Variants in IFNLR1 observed in about 807,000 individuals in gnomAD.
IFNLR1 encodes CRF2-12.
A neutral mutation model predicts 52.5 loss-of-function variants in IFNLR1; 28 were observed. The ratio of observed to expected loss-of-function variants is 0.53; its 90% CI spans 0.40 to 0.73. The LOEUF is 0.73. IFNLR1 is among the 30% of genes least tolerant of loss of function. IFNLR1 has a pLI of 0.00. For synonymous variants in IFNLR1, 276 were observed against 274.9 expected, an observed-to-expected ratio of 1.00 and a Z score of -0.04; for missense variants, 623 against 659.1, an observed-to-expected ratio of 0.95 and a Z score of 0.60.
At chr1:24,177,492 G>A (rs1481981787) in intron 2 of IFNLR1, among the ~76,000 whole-genome samples, 4 of 152,212 alleles carry the variant, frequency 2.6e-5, no homozygotes, top group Admixed American at 6.5e-5. Flanking sequence ...CATCCCGCAC[G>A]GGAGAAAGAA....
intron 2 of IFNLR1, among the ~76,000 whole-genome samples, chr1:24,175,069 G>C (rs935203321): frequency 1.3e-5 from 2 of 152,200 alleles, no homozygotes; most frequent in Admixed American, 6.5e-5. Flanking sequence ...AATGAAGGAA[G>C]GCTGTTGGAC....
chr1:24,172,077 T>C (rs975113619), intron 2 of IFNLR1, among the ~76,000 whole-genome samples: 1 of 152,172 alleles, frequency 6.6e-6, no homozygotes, highest in Non-Finnish European at 1.5e-5. Flanking sequence ...AGTGCTGTGA[T>C]TACAGATGTG....
At chr1:24,184,142 C>G (rs1644715699) in intron 1 of IFNLR1, among the ~76,000 whole-genome samples, 1 of 152,172 alleles carries the variant, frequency 6.6e-6, no homozygotes, top group African/African-American at 2.4e-5. Context: ...TCCTGGAGCA[C>G]CCCAGCCACA....
chr1:24,178,902 C>G (rs57237710), intron 2 of IFNLR1, among the ~76,000 whole-genome samples: 1 of 127,618 alleles, frequency 7.8e-6, no homozygotes. Context: ...TATCACCATT[C>G]TAATGTATAA....
chr1:24,178,448 G>T (rs1222759785), intron 2 of IFNLR1, among the ~76,000 whole-genome samples: 7 of 152,112 alleles, frequency 4.6e-5, no homozygotes, highest in African/African-American at 1.7e-4. Context: ...CTGACTGCAG[G>T]TTTTAGGTCA....
At chr1:24,177,441 C>T (rs1001180628) in intron 2 of IFNLR1, among the ~76,000 whole-genome samples, 7 of 152,186 alleles carry the variant, frequency 4.6e-5, no homozygotes, top group Non-Finnish European at 7.3e-5. Flanking sequence ...GGCCAAAAAA[C>T]CCGGAGTGTG....
intron 3 of IFNLR1, among the ~76,000 whole-genome samples, chr1:24,162,750 TTCTTTCTTTCTTTC>T (rs1644462025): frequency 3.2e-5 from 1 of 31,506 alleles, no homozygotes; most frequent in African/African-American, 1.3e-4. Context: ...CTTTCTTTCT[TTCTTTCTTTCTTTC>T]TTTCTTTCTT....
In IFNLR1 at chr1:24,159,726, G is replaced by GTTT. The variant is rs6143167; in HGVS notation, c.511-96_511-94dup. 1.4e-3 allele frequency: 1,062 copies of GTTT among 761,866 alleles called. 7 individuals are homozygous for GTTT. Among genetic ancestry groups the GTTT allele is most frequent in the Middle Eastern group, 2.3e-3 (7 of 3,022 alleles). 47.2% of individuals were successfully genotyped at this position (761,866 alleles called of 1,614,324 possible). On this transcript the variant is annotated intron_variant, in intron 4 of 6. Coordinates refer to ENST00000327535, the MANE Select transcript of IFNLR1 (RefSeq NM_170743.4). Reference sequence around the variant, plus strand: ...GTGGGGTTGGCAGACATGGTAGGGTGTTTTTTTTTTGTTTTTTTTTTTTGT... The same window carrying GTTT: ...GTGGGGTTGGCAGACATGGTAGGGTGTTTTTTTTTTTTTGTTTTTTTTTTTTGT...
rs1557644311 is a variant in IFNLR1 at position 24,162,868 on chromosome 1, TTTCTTTCTTTCCTTCCTTCCTTCCTTCC to T, written c.368-1212_368-1185del. The stretch of plus-strand genomic sequence containing the variant: ...CTTTCTTTCTTTCTTTCTTTCTTTC[TTTCTTTCTTTCCTTCCTTCCTTCCTTCC>T]TTCCTTCCTTCCTTCCTTCCTTTTC... On this transcript the variant is annotated intron_variant, in intron 3 of 6. Transcript: ENST00000327535. 7.0e-3 allele frequency among the ~76,000 whole-genome samples: 405 copies of T among 57,956 alleles called. 5 individuals are homozygous for T. The highest frequency in any genetic ancestry group is 0.031 in the South Asian group (43 of 1,380). The allele number at this position is 57,956 out of a possible 152,430, so 38.0% of individuals were successfully genotyped here. A position where few individuals can be genotyped will look rare whatever the true frequency, so the allele number is the denominator to read the frequency against.
chr1:24,157,809 T>C lies in IFNLR1; in HGVS notation c.884A>G (p.Gln295Arg). The change falls in exon 7 of 7, where the codon CAA becomes CGA. Residue 295 changes from glutamine to arginine, a missense_variant. By Grantham distance (43) the Gln-to-Arg change is conservative. Coordinates refer to ENST00000327535, the MANE Select transcript of IFNLR1 (RefSeq NM_170743.4). The surrounding 1 kb of genome is among the most constrained non-coding windows in gnomAD (Gnocchi z 5.1). ...CCTGACCCCTCTGGTCAGTTCCTTT[T>C]GGGGACAGAGGAACAAGTCATTCAC... The part of the protein sequence containing the change: ...ESVNDLFLCP[Q>R]KELTRGVRPT... The C allele has an allele frequency of 6.2e-7, 1 of 1,614,056 alleles. No individual in the cohort carries two copies. Among genetic ancestry groups the C allele is most frequent in the East Asian group, 2.2e-5 (1 of 44,878 alleles).
intron 2 of IFNLR1, among the ~76,000 whole-genome samples, chr1:24,175,918 G>T (rs960967101): frequency 4.8e-5 from 7 of 147,192 alleles, no homozygotes; most frequent in African/African-American, 1.8e-4. Flanking sequence ...TGGGCAACAA[G>T]AGCAAAACTC....
At chr1:24,167,632 G>A (rs903233981) in intron 3 of IFNLR1, among the ~76,000 whole-genome samples, 3 of 151,840 alleles carry the variant, frequency 2.0e-5, no homozygotes, top group Non-Finnish European at 2.9e-5. Flanking sequence ...TGATCCATCC[G>A]CCTCGGCCTC....
At position 24,157,969 on chromosome 1, in the gene IFNLR1, G is replaced by A; in HGVS notation, c.802-78C>T. The A allele has an allele frequency of 7.5e-7, 1 of 1,326,476 alleles. No individual in the cohort carries two copies. Among genetic ancestry groups the A allele is most frequent in the Non-Finnish European group, 1.0e-6 (1 of 974,256 alleles). 82.2% of individuals were successfully genotyped at this position (1,326,476 alleles called of 1,614,324 possible). ...AATTATCATCATCTGAATTCCCCTAGAAACAGACCTCAGACAAGGCTTCAA... is the reference window on the plus strand; with the variant it reads ...AATTATCATCATCTGAATTCCCCTAAAAACAGACCTCAGACAAGGCTTCAA... On this transcript the variant is annotated intron_variant, in intron 6 of 6. Transcript: ENST00000327535. The surrounding 1 kb of genome is among the most constrained non-coding windows in gnomAD (Gnocchi z 5.1).
At chr1:24,186,796 A>C (rs1386529678) in intron 1 of IFNLR1, among the ~76,000 whole-genome samples, 1 of 152,222 alleles carries the variant, frequency 6.6e-6, no homozygotes, top group East Asian at 1.9e-4. Context: ...AGGAACGGGA[A>C]GGGACATCAA....
chr1:24,185,159 T>C (rs1644724786), intron 1 of IFNLR1, among the ~76,000 whole-genome samples: 1 of 152,220 alleles, frequency 6.6e-6, no homozygotes, highest in South Asian at 2.1e-4. Flanking sequence ...GTATTCATTA[T>C]AATAATTATA....
At chr1:24,181,937 G>A (rs1172761342) in intron 1 of IFNLR1, among the ~76,000 whole-genome samples, 2 of 152,224 alleles carry the variant, frequency 1.3e-5, no homozygotes, top group African/African-American at 4.8e-5. Flanking sequence ...AGTGGCTCAA[G>A]CCTGTAATCC....
In IFNLR1 at chr1:24,162,789, T is replaced by TC. The variant is rs1557643986; in HGVS notation, c.368-1106_368-1105insG. Among the ~76,000 whole-genome samples the TC allele has an allele frequency of 6.0e-3, 471 of 79,096 alleles. 27 individuals are homozygous for TC. Among genetic ancestry groups the TC allele is most frequent in the East Asian group, 0.012 (38 of 3,266 alleles). 51.9% of individuals were successfully genotyped at this position (79,096 alleles called of 152,430 possible). A position where few individuals can be genotyped will look rare whatever the true frequency, so the allele number is the denominator to read the frequency against. ...CTTTCTTTCTTTCTTTTTCTTTCTT[T>TC]TTCTTTCTTTCTTTTTTCTTTCTTT... On this transcript the variant is annotated intron_variant, in intron 3 of 6. Coordinates refer to ENST00000327535, the MANE Select transcript of IFNLR1 (RefSeq NM_170743.4).
intron 2 of IFNLR1, among the ~76,000 whole-genome samples, chr1:24,174,826 T>C (rs1234047162): frequency 6.6e-6 from 1 of 151,776 alleles, no homozygotes; most frequent in East Asian, 1.9e-4. Flanking sequence ...CAAAAGGAAC[T>C]AGAACTTGAA....
chr1:24,169,538 A>T lies in IFNLR1; in HGVS notation c.246T>A (p.Cys82Ter). 1 of 1,614,162 alleles carries T rather than the reference A, an allele frequency of 6.2e-7. No individual in the cohort carries two copies. The highest frequency in any genetic ancestry group is 8.5e-7 in the Non-Finnish European group (1 of 1,180,034). The change falls in exon 3 of 7, where the codon TGT becomes TGA. Residue 82 changes from cysteine (C) to a stop codon, truncating the protein, a stop_gained. Coordinates refer to ENST00000327535, the MANE Select transcript of IFNLR1 (RefSeq NM_170743.4). LOFTEE classifies it high-confidence loss of function. ...EECAGTKELL[C>*]SMMCLKKQDL... ...CCTGTTTCTTCAGGCACATCATAGA[A>T]CATAGCAGCTCCTTGGTTCCCGCAC...
Sources: allele counts gnomAD v4.1 joint callset (sites outside exome capture counted in the v4.1 genomes callset), GRCh38; gene constraint gnomAD v4.1.1; non-coding constraint Gnocchi (gnomAD v3.1); transcripts MANE v1.5; gene names NCBI Gene and HGNC (gene_info 2026-07-23, HGNC 2026-07-21).